Variants in WWOX observed in about 807,000 individuals in gnomAD.
WWOX encodes WW domain-containing oxidoreductase.
Under a neutral mutation model 46.2 loss-of-function variants are expected in WWOX, and 69 were observed. The ratio of observed to expected loss-of-function variants is 1.49; its 90% CI spans 1.23 to 1.82. WWOX has a LOEUF of 1.82. Among genes scored for constraint, WWOX ranks in the 40% most tolerant of loss-of-function variants. The pLI is 0.00. For synonymous variants in WWOX, 359 were observed against 202.6 expected (o/e 1.77, Z -6.56); for missense variants, 919 against 542.6 (o/e 1.69, Z -6.89).
intron 5 of WWOX, among the ~76,000 whole-genome samples, chr16:78,219,077 C>G (rs2036810303): frequency 6.6e-6 from 1 of 152,070 alleles, no homozygotes; most frequent in South Asian, 2.1e-4. Flanking sequence ...GGAAGTTGCG[C>G]TTGAGGAAAC....
chr16:78,214,565 G>T (rs950396021), intron 5 of WWOX, among the ~76,000 whole-genome samples: 3 of 152,118 alleles, frequency 2.0e-5, no homozygotes, highest in African/African-American at 7.2e-5. Context: ...TGAATATGCT[G>T]TCCCTTCTAA....
chr16:78,929,886 C>G (rs2045580967), intron 8 of WWOX, among the ~76,000 whole-genome samples: 1 of 152,120 alleles, frequency 6.6e-6, no homozygotes, highest in Non-Finnish European at 1.5e-5. Context: ...TCTAGCCCAT[C>G]CTTCTTTCTT....
At chr16:79,054,785 C>T (rs934147278) in intron 8 of WWOX, among the ~76,000 whole-genome samples, 6 of 152,096 alleles carry the variant, frequency 3.9e-5, no homozygotes, top group African/African-American at 1.4e-4. Context: ...GTGATCACAC[C>T]ACCGCACTCC....
At chr16:78,510,561 A>G (rs1246439229) in intron 8 of WWOX, among the ~76,000 whole-genome samples, 2 of 152,208 alleles carry the variant, frequency 1.3e-5, no homozygotes. Context: ...ACTTACATGT[A>G]ACTGCACTTT....
At chr16:78,752,417 A>C (rs1567536250) in intron 8 of WWOX, among the ~76,000 whole-genome samples, 1 of 152,132 alleles carries the variant, frequency 6.6e-6, no homozygotes, top group Non-Finnish European at 1.5e-5. Flanking sequence ...CCTTCTGAGT[A>C]GCTGGGATTA....
At chr16:79,125,972 T>G (rs1178870862) in intron 8 of WWOX, among the ~76,000 whole-genome samples, 1 of 152,196 alleles carries the variant, frequency 6.6e-6, no homozygotes, top group African/African-American at 2.4e-5. Flanking sequence ...GTTTTTACTC[T>G]AACACCTCTT....
intron 8 of WWOX, among the ~76,000 whole-genome samples, chr16:78,817,510 C>G (rs74031957): frequency 0.15 from 23,086 of 152,198 alleles, 1,897 homozygotes; most frequent in Non-Finnish European, 0.18. Flanking sequence ...AATAGATGTA[C>G]AGCTTGGCTG....
chr16:78,957,756 C>T (rs745975082), intron 8 of WWOX, among the ~76,000 whole-genome samples: 7 of 152,206 alleles, frequency 4.6e-5, no homozygotes, highest in Non-Finnish European at 7.3e-5. Context: ...ACCATAGGAA[C>T]GGAGACCTTA....
intron 5 of WWOX, among the ~76,000 whole-genome samples, chr16:78,368,052 C>G (rs574763144): frequency 6.6e-6 from 1 of 152,146 alleles, no homozygotes; most frequent in Non-Finnish European, 1.5e-5. Flanking sequence ...CCTCTGTGCC[C>G]GGCTTCTGCC....
Position 78,110,358 on chromosome 16 carries a change from A to C in WWOX, c.230+523A>C, listed in dbSNP as rs963589853. Among the ~76,000 whole-genome samples, 359 of 151,718 alleles carry C rather than the reference A, an allele frequency of 2.4e-3. 1 individual carries two copies. The highest frequency in any genetic ancestry group is 8.3e-3 in the African/African-American group (345 of 41,344). On this transcript the variant is annotated intron_variant, in intron 3 of 8. Coordinates refer to ENST00000566780, the MANE Select transcript of WWOX (RefSeq NM_016373.4). ...CCTTCTCAAAAAAAAAAAAAAAAAA[A>C]AAAGAGGGAATGCACTGTGTGGACT...
chr16:78,406,703 T>A (rs1038667416), intron 6 of WWOX, among the ~76,000 whole-genome samples: 1 of 151,320 alleles, frequency 6.6e-6, no homozygotes, highest in Non-Finnish European at 1.5e-5. Context: ...CTCGGCTCAC[T>A]GCAACCTCCT....
chr16:79,111,270 CTG>C (rs1372931233), intron 8 of WWOX, among the ~76,000 whole-genome samples: 1 of 152,254 alleles, frequency 6.6e-6, no homozygotes, highest in Non-Finnish European at 1.5e-5. Flanking sequence ...ACAGGTGACA[CTG>C]TATCTGCAGA....
intron 8 of WWOX, among the ~76,000 whole-genome samples, chr16:78,966,875 C>T (rs1360219608): frequency 2.0e-5 from 3 of 152,130 alleles, no homozygotes; most frequent in African/African-American, 7.2e-5. Context: ...TAGTTCCCAC[C>T]TCATAGAGTT....
Position 78,770,482 on chromosome 16 carries a change from G to C in WWOX, c.1056+337730G>C, listed in dbSNP as rs567039790. 2.5e-3 allele frequency among the ~76,000 whole-genome samples: 380 copies of C among 152,312 alleles called. 2 individuals are homozygous for C. Among genetic ancestry groups the C allele is most frequent in the Middle Eastern group, 6.8e-3 (2 of 294 alleles). On this transcript the variant is annotated intron_variant, in intron 8 of 8. Coordinates refer to ENST00000566780, the MANE Select transcript of WWOX (RefSeq NM_016373.4). Reference sequence around the variant, plus strand: ...TCCCCACGGGCCAGGACTGGGATCTGGACTGGGCCATGGCCCATTGGATGG... The same window carrying C: ...TCCCCACGGGCCAGGACTGGGATCTCGACTGGGCCATGGCCCATTGGATGG...
intron 8 of WWOX, among the ~76,000 whole-genome samples, chr16:78,633,769 T>G (rs1033687561): frequency 6.6e-6 from 1 of 152,206 alleles, no homozygotes; most frequent in African/African-American, 2.4e-5. Context: ...TCAAGAGGAC[T>G]CCAGGCTGTG....
chr16:78,741,647 G>A (rs1597527563), intron 8 of WWOX, among the ~76,000 whole-genome samples: 1 of 152,144 alleles, frequency 6.6e-6, no homozygotes, highest in South Asian at 2.1e-4. Context: ...TTGAGGTCAG[G>A]AGTTCAAGAC....
intron 6 of WWOX, among the ~76,000 whole-genome samples, chr16:78,423,631 C>T (rs1315407176): frequency 6.6e-6 from 1 of 151,892 alleles, no homozygotes; most frequent in African/African-American, 2.4e-5. Context: ...AACTCAAGAC[C>T]ACCTTGACCA....
At chr16:79,165,709 C>G (rs549765522) in intron 8 of WWOX, among the ~76,000 whole-genome samples, 31 of 152,226 alleles carry the variant, frequency 2.0e-4, no homozygotes, top group African/African-American at 7.2e-4. Flanking sequence ...TTATTTGACT[C>G]TGTCCTGTTT....
intron 8 of WWOX, among the ~76,000 whole-genome samples, chr16:79,009,473 T>A (rs1201657051): frequency 3.9e-5 from 6 of 152,000 alleles, no homozygotes; most frequent in Non-Finnish European, 7.4e-5. Flanking sequence ...CATCAAATTT[T>A]CTTTTTTTTT....
Sources: gnomAD v4.1 joint callset for allele counts (sites outside exome capture counted in the v4.1 genomes callset) on GRCh38, gnomAD v4.1.1 for gene constraint, MANE v1.5 for transcripts, NCBI Gene and HGNC (gene_info 2026-07-23, HGNC 2026-07-21) for gene names.